NAA40: variants seen among roughly 807,000 people sequenced by gnomAD.
NAA40 encodes the protein N-alpha-acetyltransferase 40, NatD catalytic subunit, also known as N-alpha-acetyltransferase 40.
Under a neutral mutation model 36.6 loss-of-function variants are expected in NAA40, and 26 were observed. The observed-to-expected ratio is 0.71, with a 90% confidence interval of 0.52 to 0.98. The LOEUF is 0.98. NAA40 is among the 50% of genes least tolerant of loss of function. The pLI is 0.00. For synonymous variants in NAA40, 129 were observed against 108.4 expected (o/e 1.19, Z -1.18); for missense variants, 237 against 306.5 (o/e 0.77, Z 1.69).
chr11:63,946,012 C>G, intron 2 of NAA40, 77 bp downstream of exon 2: 1 of 1,355,176 alleles, frequency 7.4e-7, no homozygotes, highest in South Asian at 1.2e-5. Context: ...TTTGTCTCCA[C>G]CCTGTGGCAG....
intron 1 of NAA40, among the ~76,000 whole-genome samples, chr11:63,940,037 ATTCTTTT>A (rs1942082441): frequency 1.0e-5 from 1 of 100,304 alleles, no homozygotes; most frequent in Non-Finnish European, 1.9e-5. Flanking sequence ...TATTGGCTGT[ATTCTTTT>A]TTTTTTTTTT....
chr11:63,939,347 C>A, intron 1 of NAA40: 1 of 1,263,130 alleles, frequency 7.9e-7, no homozygotes, highest in Non-Finnish European at 1.0e-6. Flanking sequence ...ACGCCCGCCC[C>A]TTCCTGCTTC....
Position 63,956,808 on chromosome 11 carries a change from C to G in NAA40, c.*2329C>G, listed in dbSNP as rs1942371587. 1 of 152,320 alleles carries G rather than the reference C, an allele frequency of 6.6e-6. No individual in the cohort carries two copies. The highest frequency in any genetic ancestry group is 1.5e-5 in the Non-Finnish European group (1 of 68,024). 9.4% of individuals were successfully genotyped at this position (152,320 alleles called of 1,614,324 possible). On this transcript the variant is annotated 3_prime_UTR_variant, in exon 8 of 8. Transcript: ENST00000377793. ...TGGTCAACATGGCAAAAGCCCATCT[C>G]TACTAAAAAATACAAAAATCAGCCA...
intron 3 of NAA40, among the ~76,000 whole-genome samples, chr11:63,949,902 G>A (rs58056746): frequency 0.022 from 3,342 of 151,500 alleles, 117 homozygotes; most frequent in African/African-American, 0.074. Flanking sequence ...CCGCCACCAC[G>A]CCCGGCTAAT....
rs533929676 is a variant in NAA40 at position 63,946,436 on chromosome 11, C to G, written c.102+501C>G. On this transcript the variant is annotated intron_variant, in intron 2 of 7. Transcript: ENST00000377793. ...CCCAGGATGGTCTTGAACTCCTGAG[C>G]CCAAGCATTTCACCTGCCTTGGCCT... The G allele has an allele frequency of 2.4e-4, 183 of 754,450 alleles. No individual in the cohort carries two copies. In the South Asian group the frequency reaches 5.9e-3, roughly 24 times the overall value. The allele number at this position is 754,450 out of a possible 1,614,324, so 46.7% of individuals were successfully genotyped here.
rs1335070848 is a variant in NAA40 at position 63,955,981 on chromosome 11, C to G, written c.*1502C>G. On this transcript the variant is annotated 3_prime_UTR_variant, in exon 8 of 8. Transcript: ENST00000377793. ...CTCACATCCCACCCTCTGCCCAACT[C>G]TGGCAGTCTCTCCTGGCAGATCTCC... 6.6e-6 allele frequency: 1 copy of G among 152,614 alleles called. No homozygotes were observed. Among genetic ancestry groups the G allele is most frequent in the South Asian group, 2.1e-4 (1 of 4,832 alleles). 9.5% of individuals were successfully genotyped at this position (152,614 alleles called of 1,614,324 possible).
intron 3 of NAA40, among the ~76,000 whole-genome samples, chr11:63,947,444 C>G (rs1453177036): frequency 4.0e-5 from 6 of 151,556 alleles, no homozygotes; most frequent in Non-Finnish European, 8.8e-5. Context: ...AAAGCAGAAA[C>G]TGACTCGTGC....
chr11:63,946,460 C>T (rs1030584830), intron 2 of NAA40: 1 of 991,362 alleles, frequency 1.0e-6, no homozygotes, highest in African/African-American at 1.7e-5. Context: ...CTGCCTTGGC[C>T]TCCCAAAGTG....
chr11:63,945,023 T>C (rs1014978839), intron 1 of NAA40, among the ~76,000 whole-genome samples: 2 of 152,182 alleles, frequency 1.3e-5, no homozygotes, highest in Non-Finnish European at 2.9e-5. Flanking sequence ...GTCTTAGGCC[T>C]GAGAGAATCT....
chr11:63,946,722 C>G (rs1475042070), intron 2 of NAA40: 2 of 1,521,184 alleles, frequency 1.3e-6, no homozygotes, highest in African/African-American at 1.4e-5. Context: ...CTTGCCCTGT[C>G]AGGTGATGCC....
intron 3 of NAA40, among the ~76,000 whole-genome samples, chr11:63,947,677 A>C (rs1942210004): frequency 1.4e-5 from 2 of 147,948 alleles, no homozygotes; most frequent in Admixed American, 1.4e-4. Flanking sequence ...CAGCCTCCCA[A>C]GTACCTGGGA....
rs2134284703 is a variant in NAA40 at position 63,956,120 on chromosome 11, G to A, written c.*1641G>A. 1 of 152,840 alleles carries A rather than the reference G, an allele frequency of 6.5e-6. No homozygotes were observed. The highest frequency in any genetic ancestry group is 3.4e-3 in the Middle Eastern group (1 of 294). The allele number at this position is 152,840 out of a possible 1,614,324, so 9.5% of individuals were successfully genotyped here. The stretch of plus-strand genomic sequence containing the variant: ...CTGAGCACTTTGCGCTGCTCTTGAT[G>A]GGCAGCAGTGGGACTGGGAACTCCT... On this transcript the variant is annotated 3_prime_UTR_variant, in exon 8 of 8. Transcript: ENST00000377793.
At chr11:63,939,230 A>C in intron 1 of NAA40, 128 bp downstream of exon 1, 1 of 1,076,732 alleles carries the variant, frequency 9.3e-7, no homozygotes, top group Non-Finnish European at 1.2e-6. Context: ...CCTGACCCCC[A>C]CATGACCCGA....
intron 3 of NAA40, among the ~76,000 whole-genome samples, chr11:63,951,018 A>T (rs1344506360): frequency 6.6e-6 from 1 of 152,184 alleles, no homozygotes; most frequent in African/African-American, 2.4e-5. Context: ...AGAAAGGAAG[A>T]TGCTTCAGGG....
chr11:63,940,368 A>C (rs1483007589), intron 1 of NAA40, among the ~76,000 whole-genome samples: 2 of 152,076 alleles, frequency 1.3e-5, no homozygotes, highest in Admixed American at 6.6e-5. Flanking sequence ...TTTACATGGA[A>C]TTTCCATCAC....
chr11:63,939,303 T>G, intron 1 of NAA40: 1 of 1,253,352 alleles, frequency 8.0e-7, no homozygotes, highest in Non-Finnish European at 1.0e-6. Context: ...GAGCCCCTGG[T>G]CCGGGGCCCC....
At position 63,952,907 on chromosome 11, in the gene NAA40, C is replaced by A. The variant is rs902213025; in HGVS notation, c.494+68C>A. On this transcript the variant is annotated intron_variant, in intron 6 of 7. Transcript: ENST00000377793. ...GAAGGAGCTGTCACTGAGGCACTTG[C>A]CATTCTTTGAGCCTTGTTGGAGGAG... 4 of 1,398,906 alleles carry A rather than the reference C, an allele frequency of 2.9e-6. No individual in the cohort carries two copies. In the African/African-American group the frequency reaches 5.7e-5, roughly 20 times the overall value. 86.7% of individuals were successfully genotyped at this position (1,398,906 alleles called of 1,614,324 possible). A position where few individuals can be genotyped will look rare whatever the true frequency, so the allele number is the denominator to read the frequency against.
At position 63,954,431 on chromosome 11, in the gene NAA40, C is replaced by G. The variant is rs751751620; in HGVS notation, c.666C>G (p.Asp222Glu). 14 of 1,612,722 alleles carry G rather than the reference C, an allele frequency of 8.7e-6. No individual in the cohort carries two copies. Among genetic ancestry groups the G allele is most frequent in the Non-Finnish European group, 1.2e-5 (14 of 1,179,388 alleles). The change falls in exon 8 of 8, where the codon GAC becomes GAG. Residue 222 changes from aspartate to glutamate, a missense_variant. Asp to Glu is a conservative substitution (Grantham distance 45, BLOSUM62 2). Coordinates refer to ENST00000377793, the MANE Select transcript of NAA40 (RefSeq NM_024771.4). Reference sequence around the variant, plus strand: ...TGAGCCGGAGGACCAAGTTTGGGGACAGCCATCACTCCCACGCGGGTGGGC... The same window carrying G: ...TGAGCCGGAGGACCAAGTTTGGGGAGAGCCATCACTCCCACGCGGGTGGGC... ...EILSRRTKFG[D>E]SHHSHAGGHC... is the part of the protein sequence containing the mutation.
intron 1 of NAA40, chr11:63,939,404 T>G: frequency 2.6e-6 from 3 of 1,148,212 alleles, no homozygotes; most frequent in Non-Finnish European, 3.2e-6. Context: ...GCGGGGACCC[T>G]GGGGTTAGCT....
Sources: gnomAD v4.1 joint callset for allele counts (sites outside exome capture counted in the v4.1 genomes callset) on GRCh38, gnomAD v4.1.1 for gene constraint, MANE v1.5 for transcripts, NCBI Gene and HGNC (gene_info 2026-07-23, HGNC 2026-07-21) for gene names.